Variants in KLHL13 observed in about 807,000 individuals in gnomAD.
The protein encoded by KLHL13 is kelch-like protein 13.
KLHL13 carries 10 observed loss-of-function variants against 37.1 expected under a neutral mutation model. That is an observed-to-expected ratio of 0.27 (90% CI 0.17 to 0.46). The LOEUF (loss-of-function observed/expected upper bound fraction) is 0.46. KLHL13 is among the 20% of genes least tolerant of loss of function. The pLI, the probability that KLHL13 is intolerant of heterozygous loss-of-function variation, is 1.00. For synonymous variants in KLHL13, 163 were observed against 181.2 expected (o/e 0.90, Z 0.81); for missense variants, 360 against 509.3 (o/e 0.71, Z 2.82).
At chrX:117,930,419 A>G (rs183292949) in intron 2 of KLHL13, among the ~76,000 whole-genome samples, 1 of 111,125 alleles carries the variant, frequency 9.0e-6, no homozygotes, top group African/African-American at 3.3e-5. Flanking sequence ...CTACCAAAAA[A>G]GCTGCTAGAA....
At chrX:118,062,518 G>A (rs2054752926) in intron 1 of KLHL13, among the ~76,000 whole-genome samples, 1 of 109,040 alleles carries the variant, frequency 9.2e-6, no homozygotes, top group South Asian at 3.9e-4. Context: ...CCAAGATTAG[G>A]CTACAGACAT....
In KLHL13 at chrX:117,905,151, T is replaced by C. The variant is rs1468828831; in HGVS notation, c.1367-3205A>G. On this transcript the variant is annotated intron_variant, in intron 5 of 6. Coordinates refer to ENST00000262820, the Ensembl canonical transcript of KLHL13. ...AAACCCCCAAATCCTTTGGGGGGTATAGAGGCATTTAATAAATTTTAGTAG... is the reference window on the plus strand; with the variant it reads ...AAACCCCCAAATCCTTTGGGGGGTACAGAGGCATTTAATAAATTTTAGTAG... Among the ~76,000 whole-genome samples, 3 of 111,045 alleles carry C rather than the reference T, an allele frequency of 2.7e-5. No individual in the cohort carries two copies. In the Admixed American group the frequency reaches 2.9e-4, roughly 11 times the overall value.
exon 3 of KLHL13, chrX:117,920,270 G>A: frequency 8.3e-7 from 1 of 1,209,194 alleles, no homozygotes; most frequent in Non-Finnish European, 1.1e-6. Context: ...ATCACTAGCA[G>A]ATGCCATCAT....
At chrX:117,941,738 A>G (rs1042949457) in intron 2 of KLHL13, among the ~76,000 whole-genome samples, 13 of 110,482 alleles carry the variant, frequency 1.2e-4, no homozygotes, top group African/African-American at 3.9e-4. Context: ...TTCTTCATTA[A>G]TCTGGCTAGC....
upstream of KLHL13, among the ~76,000 whole-genome samples, chrX:117,975,114 A>C (rs2053581145): frequency 9.0e-6 from 1 of 110,847 alleles, no homozygotes; most frequent in Non-Finnish European, 1.9e-5. Context: ...GTTATATAGC[A>C]AAAAGGCCTC....
chrX:117,973,277 T>C (rs1479614843), exon 1 of KLHL13: 5 of 967,367 alleles, frequency 5.2e-6, no homozygotes, highest in Admixed American at 6.2e-5. Context: ...AAAACATAGA[T>C]GGGTTTCATA....
intron 1 of KLHL13, among the ~76,000 whole-genome samples, chrX:118,044,658 T>C (rs2054539594): frequency 8.9e-6 from 1 of 111,829 alleles, no homozygotes; most frequent in Non-Finnish European, 1.9e-5. Context: ...CTTCAATAAA[T>C]CATGCTGAGA....
chrX:117,917,599 A>G (rs1931449526), intron 4 of KLHL13, among the ~76,000 whole-genome samples: 1 of 112,434 alleles, frequency 8.9e-6, no homozygotes, highest in Admixed American at 9.4e-5. Flanking sequence ...TGCTTTAAAT[A>G]CAGTTATCTA....
chrX:118,029,270 C>T (rs2054309934), intron 1 of KLHL13, among the ~76,000 whole-genome samples: 2 of 111,573 alleles, frequency 1.8e-5, no homozygotes, highest in Admixed American at 1.9e-4. Context: ...TCCCATGTTA[C>T]CTCAGGAACT....
chrX:117,993,250 T>C (rs935464090), intron 1 of KLHL13, among the ~76,000 whole-genome samples: 1 of 111,405 alleles, frequency 9.0e-6, no homozygotes, highest in Non-Finnish European at 1.9e-5. Context: ...ATTGCAATTG[T>C]GACAACATAA....
intron 1 of KLHL13, among the ~76,000 whole-genome samples, chrX:118,065,321 A>T (rs1409120142): frequency 2.7e-5 from 3 of 111,473 alleles, no homozygotes; most frequent in Non-Finnish European, 5.7e-5. Flanking sequence ...GTAAATGTAT[A>T]CCAACCAGCA....
chrX:118,011,123 G>T (rs1267461881), intron 1 of KLHL13, among the ~76,000 whole-genome samples: 1 of 109,137 alleles, frequency 9.2e-6, no homozygotes, highest in South Asian at 4.0e-4. Context: ...ACCTAATTCT[G>T]CTTGGAAGAG....
intron 1 of KLHL13, among the ~76,000 whole-genome samples, chrX:118,045,533 A>G (rs1226164049): frequency 1.8e-5 from 2 of 108,593 alleles, no homozygotes; most frequent in Admixed American, 2.0e-4. Flanking sequence ...GCCAGACATG[A>G]TGGTTCACGC....
chrX:118,038,743 C>T (rs888372559), intron 1 of KLHL13, among the ~76,000 whole-genome samples: 1 of 111,351 alleles, frequency 9.0e-6, no homozygotes, highest in Non-Finnish European at 1.9e-5. Flanking sequence ...GACTGCAATT[C>T]CTAGGCAAGT....
At chrX:118,069,745 C>T (rs1191577369) in intron 1 of KLHL13, among the ~76,000 whole-genome samples, 1 of 111,343 alleles carries the variant, frequency 9.0e-6, no homozygotes, top group Non-Finnish European at 1.9e-5. Flanking sequence ...TAAAAAGTTA[C>T]AGTAAGTTAA....
chrX:118,032,059 G>A (rs1054251951), intron 1 of KLHL13, among the ~76,000 whole-genome samples: 2 of 111,535 alleles, frequency 1.8e-5, no homozygotes, highest in African/African-American at 6.5e-5. Context: ...CGCACCAGGA[G>A]ATTATATCCA....
At chrX:118,031,674 A>C (rs1430602093) in intron 1 of KLHL13, among the ~76,000 whole-genome samples, 1 of 101,623 alleles carries the variant, frequency 9.8e-6, no homozygotes, top group African/African-American at 3.6e-5. Context: ...TAATATATAT[A>C]ACTAAAATTT....
At chrX:118,079,759 A>G (rs1324106674) in intron 1 of KLHL13, among the ~76,000 whole-genome samples, 1 of 111,443 alleles carries the variant, frequency 9.0e-6, no homozygotes, top group East Asian at 2.8e-4. Context: ...TGAAACTACC[A>G]ACATTATTCT....
chrX:118,030,715 G>C (rs371871106), intron 1 of KLHL13, among the ~76,000 whole-genome samples: 1 of 111,714 alleles, frequency 9.0e-6, no homozygotes, highest in Non-Finnish European at 1.9e-5. Context: ...TCTTCCTCTT[G>C]TGTGTTCTCT....
Sources: gnomAD v4.1 joint callset for allele counts (sites outside exome capture counted in the v4.1 genomes callset) on GRCh38, gnomAD v4.1.1 for gene constraint, MANE v1.5 for transcripts, NCBI Gene and HGNC (gene_info 2026-07-23, HGNC 2026-07-21) for gene names.